The following SKAP1 variants were observed in gnomAD, a reference collection of about 807,000 sequenced individuals.
SKAP1 encodes src kinase associated phosphoprotein 1.
Under a neutral mutation model 58.5 loss-of-function variants are expected in SKAP1, and 44 were observed. The observed-to-expected ratio is 0.75, with a 90% CI of 0.59 to 0.97. The LOEUF is 0.97. SKAP1 is among the 50% of genes least tolerant of loss of function. The pLI, the probability that SKAP1 is intolerant of heterozygous loss-of-function variation, is 0.00. For synonymous variants in SKAP1, 127 were observed against 149.7 expected (o/e 0.85, Z 1.11); for missense variants, 390 against 435.2 (o/e 0.90, Z 0.92).
At chr17:48,372,624 T>C (rs1211719141) in intron 2 of SKAP1, among the ~76,000 whole-genome samples, 1 of 151,962 alleles carries the variant, frequency 6.6e-6, no homozygotes, top group Non-Finnish European at 1.5e-5. Context: ...TTTTATTTAA[T>C]CTTCATAAAA....
intron 5 of SKAP1, 147 bp downstream of exon 5, chr17:48,189,276 C>CTCCT: frequency 1.6e-6 from 1 of 623,002 alleles, no homozygotes; most frequent in East Asian, 2.8e-5. Context: ...AAACACCAGA[C>CTCCT]TCCTTTCCTT....
At chr17:48,282,119 C>T (rs1033937671) in intron 4 of SKAP1, among the ~76,000 whole-genome samples, 2 of 152,128 alleles carry the variant, frequency 1.3e-5, no homozygotes, top group African/African-American at 2.4e-5. Context: ...CTTATGTTTA[C>T]CCAAAGTTGA....
chr17:48,224,038 A>AGAGAGAAGAAGGAGG, intron 4 of SKAP1, among the ~76,000 whole-genome samples: 1 of 52,442 alleles, frequency 1.9e-5, no homozygotes, highest in South Asian at 9.1e-4. Flanking sequence ...GAGAGAGAAG[A>AGAGAGAAGAAGGAGG]AGGAGGAGGA....
chr17:48,205,005 CTTTCTTTCTT>C (rs201247168), intron 4 of SKAP1, among the ~76,000 whole-genome samples: 1,841 of 37,418 alleles, frequency 0.049, 33 homozygotes, highest in East Asian at 0.1. Flanking sequence ...TTCTTTCTTT[CTTTCTTTCTT>C]TTTCTTTCTT....
rs541738954 is a variant in SKAP1, at chr17:48,424,662, C to T, written c.46+5413G>A. 3.0e-4 allele frequency among the ~76,000 whole-genome samples: 45 copies of T among 150,394 alleles called. 1 individual carries two copies. The South Asian group carries it at 6.6e-3, about 22-fold the overall frequency. ...GAAAACCCTCAGGAAAGGCCAGGCA[C>T]GGTGGCTCATGCCTGTAATGCCAGC... On this transcript the variant is annotated intron_variant, in intron 1 of 12. Coordinates refer to ENST00000336915, the MANE Select transcript of SKAP1 (RefSeq NM_003726.4).
At position 48,276,662 on chromosome 17, in the gene SKAP1, G is replaced by T. The variant is rs74972053; in HGVS notation, c.280+69243C>A. Among the ~76,000 whole-genome samples, 445 of 152,252 alleles carry T rather than the reference G, an allele frequency of 2.9e-3. 2 individuals carry two copies. Among genetic ancestry groups the T allele is most frequent in the African/African-American group, 0.01 (423 of 41,544 alleles). ...CATTTCAAATGAAACAGTCTATGGA[G>T]TTCTAGGTCAACTTCACCCTGGGTC... On this transcript the variant is annotated intron_variant, in intron 4 of 12. Transcript: ENST00000336915.
In SKAP1 at chr17:48,184,600, T is replaced by C. The variant is rs533778363; in HGVS notation, c.567+123A>G. The C allele has an allele frequency of 8.8e-6, 11 of 1,246,438 alleles. No individual in the cohort carries two copies. In the East Asian group the frequency reaches 9.3e-5, roughly 11 times the overall value. The allele number at this position is 1,246,438 out of a possible 1,614,324, so 77.2% of individuals were successfully genotyped here. ...GACATGCCAAGAAATAGGGTCTTCG[T>C]TGGCATGAAATGAGCAGGTAACAAA... is the stretch of plus-strand genomic sequence containing the variant. On this transcript the variant is annotated intron_variant, in intron 7 of 12. Coordinates refer to ENST00000336915, the MANE Select transcript of SKAP1 (RefSeq NM_003726.4).
intron 4 of SKAP1, among the ~76,000 whole-genome samples, chr17:48,280,160 T>C (rs2065748757): frequency 6.6e-6 from 1 of 152,202 alleles, no homozygotes; most frequent in Admixed American, 6.5e-5. Context: ...TTTATTGAGA[T>C]ATAATTTACA....
intron 1 of SKAP1, among the ~76,000 whole-genome samples, chr17:48,400,093 T>C (rs2067477564): frequency 1.3e-5 from 2 of 148,232 alleles, no homozygotes; most frequent in Non-Finnish European, 3.0e-5. Context: ...GTATTTCTTT[T>C]TTCTTTTCTT....
At chr17:48,442,515 T>C in the SKAP1 span, among the ~76,000 whole-genome samples, 1 of 152,156 alleles carries the variant, frequency 6.6e-6, no homozygotes, top group African/African-American at 2.4e-5. Context: ...TGTTACATTT[T>C]TGGATGTGAA....
chr17:48,438,033 C>G, the SKAP1 span, among the ~76,000 whole-genome samples: 1 of 152,166 alleles, frequency 6.6e-6, no homozygotes, highest in East Asian at 1.9e-4. Flanking sequence ...CATGCCACCC[C>G]TCATATAAGC....
intron 4 of SKAP1, among the ~76,000 whole-genome samples, chr17:48,197,245 G>C (rs371923589): frequency 1.1e-4 from 14 of 122,110 alleles, no homozygotes; most frequent in Non-Finnish European, 2.3e-4. Context: ...GTGATAGAGC[G>C]AGACTCCGAC....
At chr17:48,139,918 C>T (rs2063747917) in intron 11 of SKAP1, among the ~76,000 whole-genome samples, 1 of 152,222 alleles carries the variant, frequency 6.6e-6, no homozygotes, top group African/African-American at 2.4e-5. Flanking sequence ...TGCAACCCTC[C>T]TCCTTCCTTT....
chr17:48,292,132 C>CA (rs67360130), intron 4 of SKAP1, among the ~76,000 whole-genome samples: 45,363 of 121,324 alleles, frequency 0.37, 8,655 homozygotes, highest in African/African-American at 0.54. Context: ...TTAGCCTATT[C>CA]AAAAAAAAAA....
rs189512601 is a variant in SKAP1 at position 48,286,597 on chromosome 17, A to G, written c.280+59308T>C. Among the ~76,000 whole-genome samples, 597 of 152,374 alleles carry G rather than the reference A, an allele frequency of 3.9e-3. 4 individuals carry two copies. The highest frequency in any genetic ancestry group is 0.014 in the African/African-American group (563 of 41,582). Reference sequence around the variant, plus strand: ...AAAAATAAAGGTTATGAATTCAGCCAGAGGCAAACAACCAACTAGGAATTA... The same window carrying G: ...AAAAATAAAGGTTATGAATTCAGCCGGAGGCAAACAACCAACTAGGAATTA... On this transcript the variant is annotated intron_variant, in intron 4 of 12. Coordinates refer to ENST00000336915, the MANE Select transcript of SKAP1 (RefSeq NM_003726.4).
At chr17:48,427,622 A>C (rs976624586) in intron 1 of SKAP1, among the ~76,000 whole-genome samples, 1 of 151,020 alleles carries the variant, frequency 6.6e-6, no homozygotes, top group Non-Finnish European at 1.5e-5. Context: ...TACATATTTT[A>C]TTCTTAAAAG....
At chr17:48,302,633 T>C (rs1280768003) in intron 4 of SKAP1, among the ~76,000 whole-genome samples, 1 of 152,220 alleles carries the variant, frequency 6.6e-6, no homozygotes, top group Non-Finnish European at 1.5e-5. Flanking sequence ...AGGAAGTCAA[T>C]ACTAGCTTAC....
intron 4 of SKAP1, among the ~76,000 whole-genome samples, chr17:48,255,281 TTTGCACTCA>T (rs1242942062): frequency 1.3e-5 from 2 of 152,018 alleles, no homozygotes. Context: ...CAGTCATCTG[TTTGCACTCA>T]TTAAAGGTGA....
intron 4 of SKAP1, among the ~76,000 whole-genome samples, chr17:48,234,899 A>G (rs1445495666): frequency 1.3e-5 from 2 of 152,206 alleles, no homozygotes; most frequent in Non-Finnish European, 2.9e-5. Context: ...GGATATTTCA[A>G]TTGCTTGCCA....
Sources: gnomAD v4.1 joint callset for allele counts (sites outside exome capture counted in the v4.1 genomes callset) on GRCh38, gnomAD v4.1.1 for gene constraint, MANE v1.5 for transcripts, NCBI Gene and HGNC (gene_info 2026-07-23, HGNC 2026-07-21) for gene names.